The following PPFIA2 variants were observed in gnomAD, a reference collection of about 807,000 sequenced individuals.
PPFIA2 encodes the protein liprin-alpha-2.
A neutral mutation model predicts 175.5 loss-of-function variants in PPFIA2; 46 were observed. The ratio of observed to expected loss-of-function variants is 0.26; its 90% CI spans 0.21 to 0.34. PPFIA2 has a LOEUF of 0.34. Among genes scored for constraint, PPFIA2 ranks in the 10% least tolerant of loss-of-function variants. The pLI, the probability that PPFIA2 is intolerant of heterozygous loss-of-function variation, is 1.00. For synonymous variants in PPFIA2, 568 were observed against 511.4 expected (o/e 1.11, Z -1.49); for missense variants, 1,179 against 1,506.1 (o/e 0.78, Z 3.60).
chr12:81,689,843 C>T (rs1271725256), intron 3 of PPFIA2, among the ~76,000 whole-genome samples: 2 of 152,052 alleles, frequency 1.3e-5, no homozygotes, highest in African/African-American at 4.8e-5. Flanking sequence ...GCCACACCAC[C>T]AGGTAAGAAT....
chr12:81,445,777 C>A (rs922431397), intron 5 of PPFIA2, 57 bp from the exon 6 acceptor site: 9 of 1,483,960 alleles, frequency 6.1e-6, no homozygotes, highest in African/African-American at 1.4e-5. Context: ...TAAATACTTA[C>A]AAATGACTTC....
At chr12:81,285,943 C>G (rs1431999827) in intron 24 of PPFIA2, among the ~76,000 whole-genome samples, 1 of 152,000 alleles carries the variant, frequency 6.6e-6, no homozygotes, top group African/African-American at 2.4e-5. Flanking sequence ...GAGATGACAG[C>G]TCCATGTGTG....
intron 22 of PPFIA2, among the ~76,000 whole-genome samples, chr12:81,307,638 CTA>C (rs2049612916): frequency 1.4e-5 from 2 of 146,164 alleles, no homozygotes; most frequent in Non-Finnish European, 3.1e-5. Flanking sequence ...TAGAATCTCT[CTA>C]TCTCTCATTT....
At chr12:81,597,354 T>C (rs139553194) in intron 4 of PPFIA2, among the ~76,000 whole-genome samples, 178 of 152,160 alleles carry the variant, frequency 1.2e-3, no homozygotes, top group African/African-American at 3.1e-3. Context: ...TTATAAATCA[T>C]TTTGACTTTT....
chr12:81,727,099 C>A (rs1163351265), intron 3 of PPFIA2, among the ~76,000 whole-genome samples: 2 of 151,254 alleles, frequency 1.3e-5, no homozygotes, highest in African/African-American at 2.4e-5. Flanking sequence ...CTAGCAAAAG[C>A]TAATTGATGC....
intron 17 of PPFIA2, among the ~76,000 whole-genome samples, chr12:81,349,995 G>A (rs1024167403): frequency 1.3e-4 from 20 of 152,104 alleles, no homozygotes; most frequent in Non-Finnish European, 2.1e-4. Context: ...TCTTTTAAAT[G>A]TGATATAATC....
At chr12:81,312,086 A>G in intron 22 of PPFIA2, 1 of 1,429,664 alleles carries the variant, frequency 7.0e-7, no homozygotes, top group Non-Finnish European at 9.5e-7. Context: ...TCAAAAGAGT[A>G]ATACTCTGAA....
At chr12:81,357,320 T>G (rs1566408513) in intron 16 of PPFIA2, among the ~76,000 whole-genome samples, 1 of 152,192 alleles carries the variant, frequency 6.6e-6, no homozygotes, top group East Asian at 1.9e-4. Flanking sequence ...GGCATACTGG[T>G]GCCAGTTCAA....
intron 4 of PPFIA2, among the ~76,000 whole-genome samples, chr12:81,675,853 T>C (rs1398193802): frequency 5.9e-5 from 9 of 152,018 alleles, no homozygotes; most frequent in Admixed American, 3.3e-4. Flanking sequence ...TAAATACTTA[T>C]GATAAAAATA....
At chr12:81,729,251 A>C (rs139507778) in intron 3 of PPFIA2, among the ~76,000 whole-genome samples, 12 of 151,638 alleles carry the variant, frequency 7.9e-5, no homozygotes, top group African/African-American at 2.7e-4. Flanking sequence ...AAATGGACTC[A>C]TTTAAATAAT....
chr12:81,671,265 A>T (rs2153563222), intron 4 of PPFIA2, among the ~76,000 whole-genome samples: 1 of 151,962 alleles, frequency 6.6e-6, no homozygotes, highest in South Asian at 2.1e-4. Flanking sequence ...TCTGCTTCCA[A>T]ACAACCACCT....
At chr12:81,491,507 G>A (rs1156275842) in intron 4 of PPFIA2, among the ~76,000 whole-genome samples, 2 of 151,850 alleles carry the variant, frequency 1.3e-5, no homozygotes, top group African/African-American at 4.8e-5. Flanking sequence ...CCGATTTGAT[G>A]GGAATTTGAG....
At chr12:81,555,699 T>C (rs1416690035) in intron 4 of PPFIA2, among the ~76,000 whole-genome samples, 1 of 151,934 alleles carries the variant, frequency 6.6e-6, no homozygotes, top group African/African-American at 2.4e-5. Flanking sequence ...AGCACAAATC[T>C]GTAAGTCAGT....
chr12:81,591,748 C>A (rs1407157036), intron 4 of PPFIA2, among the ~76,000 whole-genome samples: 1 of 152,174 alleles, frequency 6.6e-6, no homozygotes, highest in African/African-American at 2.4e-5. Context: ...GGTTTGGGAC[C>A]TTCTGCCTAG....
chr12:81,316,560 T>C (rs1257831475), intron 22 of PPFIA2, among the ~76,000 whole-genome samples: 2 of 151,582 alleles, frequency 1.3e-5, no homozygotes, highest in African/African-American at 2.4e-5. Context: ...ATATCAAACA[T>C]TGGAACATTA....
Position 81,259,444 on chromosome 12 carries a change from G to T in PPFIA2, c.*250C>A. 1 of 662,218 alleles carries T rather than the reference G, an allele frequency of 1.5e-6. No individual in the cohort carries two copies. The highest frequency in any genetic ancestry group is 1.6e-5 in the South Asian group (1 of 60,768). The allele number at this position is 662,218 out of a possible 1,614,324, so 41.0% of individuals were successfully genotyped here. ...TCTGTTGTACAGAGTTTATGATGTA[G>T]ATGATGTTTATTATTCAAATGACTT... On this transcript the variant is annotated 3_prime_UTR_variant, in exon 33 of 33. Coordinates refer to ENST00000549396, the MANE Select transcript of PPFIA2 (RefSeq NM_003625.5).
At chr12:81,383,435 AT>A (rs951206803) in intron 9 of PPFIA2, among the ~76,000 whole-genome samples, 12 of 151,172 alleles carry the variant, frequency 7.9e-5, no homozygotes, top group East Asian at 1.9e-4. Context: ...ATCTCCTAGT[AT>A]TTTTTTTTAG....
chr12:81,376,624 T>C (rs906670041), intron 9 of PPFIA2, among the ~76,000 whole-genome samples: 2 of 152,174 alleles, frequency 1.3e-5, no homozygotes, highest in African/African-American at 4.8e-5. Flanking sequence ...TAATAGAATT[T>C]ATAGATAGTA....
At position 81,533,699 on chromosome 12, in the gene PPFIA2, C is replaced by G. The variant is rs570705288; in HGVS notation, c.304-75833G>C. ...ACGGTTTCTAAATTCACAAATCTAT[C>G]TATCTATCTATCTATCTATCTATCT... On this transcript the variant is annotated intron_variant, in intron 4 of 32. Transcript: ENST00000549396. 4.7e-3 allele frequency among the ~76,000 whole-genome samples: 556 copies of G among 117,446 alleles called. 4 individuals are homozygous for G. Among genetic ancestry groups the G allele is most frequent in the African/African-American group, 0.02 (520 of 26,072 alleles). 77.0% of individuals were successfully genotyped at this position (117,446 alleles called of 152,430 possible).
Sources: allele counts gnomAD v4.1 joint callset (sites outside exome capture counted in the v4.1 genomes callset), GRCh38; gene constraint gnomAD v4.1.1; transcripts MANE v1.5; gene names NCBI Gene and HGNC (gene_info 2026-07-23, HGNC 2026-07-21).